The following MYO1D variants were observed in gnomAD, a reference collection of about 807,000 sequenced individuals.
MYO1D encodes myosin ID.
MYO1D carries 83 observed loss-of-function variants against 122.0 expected under a neutral mutation model. That is an observed-to-expected ratio of 0.68 (90% CI 0.57 to 0.82). The LOEUF (loss-of-function observed/expected upper bound fraction) is 0.82. MYO1D is among the 40% of genes least tolerant of loss of function. The pLI, the probability that MYO1D is intolerant of heterozygous loss-of-function variation, is 0.00. For missense variants in MYO1D, 1,157 were observed against 1,269.5 expected (o/e 0.91, Z 1.35); for synonymous variants, 464 against 446.9 (o/e 1.04, Z -0.48).
rs142026197 is a variant in MYO1D, at chr17:32,626,061, C to T, written c.2709+12661G>A. Among the ~76,000 whole-genome samples the T allele has an allele frequency of 5.7e-3, 875 of 152,304 alleles. 8 individuals carry two copies. The highest frequency in any genetic ancestry group is 0.02 in the African/African-American group (812 of 41,562). On this transcript the variant is annotated intron_variant, in intron 20 of 21. Coordinates refer to ENST00000318217, the MANE Select transcript of MYO1D (RefSeq NM_015194.3). ...AAGGTATTACTGTGCTGTGCACCTA[C>T]GGGGCTGCCACAGTGAGCAACCTAG...
intron 20 of MYO1D, among the ~76,000 whole-genome samples, chr17:32,629,730 C>CAAG (rs1555633219): frequency 1.4e-5 from 1 of 73,580 alleles, no homozygotes; most frequent in Admixed American, 1.5e-4. Context: ...GATTTCATCT[C>CAAG]AAGAAAAAAA....
chr17:32,770,311 TC>T (rs1598084154), intron 6 of MYO1D, among the ~76,000 whole-genome samples: 1 of 152,126 alleles, frequency 6.6e-6, no homozygotes, highest in African/African-American at 2.4e-5. Flanking sequence ...CTTTTATTTC[TC>T]CCCCAAATAT....
chr17:32,764,781 C>A, intron 8 of MYO1D, 97 bp downstream of exon 8: 2 of 1,305,544 alleles, frequency 1.5e-6, no homozygotes, highest in Admixed American at 3.5e-5. Flanking sequence ...AAAGCCTTAA[C>A]CCTCTTTCAA....
intron 21 of MYO1D, among the ~76,000 whole-genome samples, chr17:32,550,983 A>C (rs2087010263): frequency 6.6e-6 from 1 of 152,118 alleles, no homozygotes; most frequent in Non-Finnish European, 1.5e-5. Context: ...AGAGAAAGAA[A>C]TGATAATAGT....
intron 21 of MYO1D, among the ~76,000 whole-genome samples, chr17:32,503,796 G>A (rs1460818928): frequency 6.6e-6 from 1 of 152,214 alleles, no homozygotes; most frequent in Non-Finnish European, 1.5e-5. Flanking sequence ...TGGAGCATCA[G>A]GAGCTCATGA....
At chr17:32,594,448 C>T in intron 21 of MYO1D, 1 of 464,728 alleles carries the variant, frequency 2.2e-6, no homozygotes, top group South Asian at 4.4e-5. Context: ...AATAATTGAA[C>T]ACTTTTGTTT....
At chr17:32,496,332 C>T (rs576159770) in intron 21 of MYO1D, 2 of 152,136 alleles carry the variant, frequency 1.3e-5, no homozygotes, top group Non-Finnish European at 2.9e-5. Context: ...ATGGCTGTCT[C>T]CCCCCTGCTT....
intron 1 of MYO1D, among the ~76,000 whole-genome samples, chr17:32,854,500 G>A (rs192185929): frequency 1.8e-4 from 28 of 152,360 alleles, no homozygotes; most frequent in Admixed American, 8.5e-4. Flanking sequence ...AATCATTGGC[G>A]AAGCCAATGG....
At position 32,767,696 on chromosome 17, in the gene MYO1D, A is replaced by G. The variant is rs149762537; in HGVS notation, c.771T>C (p.Ile257=). The change falls in exon 7 of 22, where the codon ATT becomes ATC. Residue 257 remains isoleucine (I), a synonymous_variant. Coordinates refer to ENST00000318217, the MANE Select transcript of MYO1D (RefSeq NM_015194.3). ...TTTGGATCTCCTCAGGTTTGAAGCC[A>G]ATGACTTTCATGGCATCAGCAACAA... ...FRVVADAMKV[I]GFKPEEIQTV... 9.9e-6 allele frequency: 16 copies of G among 1,613,920 alleles called. No homozygotes were observed. The African/African-American group carries it at 1.2e-4, about 12-fold the overall frequency.
At chr17:32,867,172 A>G (rs527683683) in intron 1 of MYO1D, among the ~76,000 whole-genome samples, 16 of 152,006 alleles carry the variant, frequency 1.1e-4, no homozygotes, top group African/African-American at 3.1e-4. Context: ...CTAAAAATAC[A>G]AAAATGAGCT....
At chr17:32,662,922 T>C (rs1244732141) in intron 16 of MYO1D, among the ~76,000 whole-genome samples, 1 of 148,668 alleles carries the variant, frequency 6.7e-6, no homozygotes. Flanking sequence ...TCTTTTCTTT[T>C]TTTTTTTTTT....
intron 19 of MYO1D, among the ~76,000 whole-genome samples, chr17:32,641,557 A>T (rs1174131900): frequency 6.6e-6 from 1 of 152,202 alleles, no homozygotes; most frequent in African/African-American, 2.4e-5. Context: ...CCAACAGTGT[A>T]AAAGTGTTCC....
chr17:32,594,226 T>C (rs181026422), intron 21 of MYO1D: 366 of 225,884 alleles, frequency 1.6e-3, no homozygotes, highest in Middle Eastern at 0.01. Flanking sequence ...CCATATTTTA[T>C]TGAATATAAG....
intron 21 of MYO1D, among the ~76,000 whole-genome samples, chr17:32,565,554 TGGCCG>T (rs1488536322): frequency 6.6e-6 from 1 of 152,214 alleles, no homozygotes; most frequent in Non-Finnish European, 1.5e-5. Flanking sequence ...AGTCTTCATA[TGGCCG>T]GTGACATAAT....
At chr17:32,741,622 G>A (rs1275434968) in intron 13 of MYO1D, among the ~76,000 whole-genome samples, 1 of 152,120 alleles carries the variant, frequency 6.6e-6, no homozygotes, top group Non-Finnish European at 1.5e-5. Flanking sequence ...GGGTAATAAT[G>A]AATCAGAGTT....
At chr17:32,850,068 G>GT (rs781535074) in intron 1 of MYO1D, among the ~76,000 whole-genome samples, 1 of 152,146 alleles carries the variant, frequency 6.6e-6, no homozygotes, top group Non-Finnish European at 1.5e-5. Context: ...AATTTTTGTG[G>GT]TAAAAACTGG....
chr17:32,615,827 T>C (rs935717014), intron 20 of MYO1D, among the ~76,000 whole-genome samples: 2 of 152,212 alleles, frequency 1.3e-5, no homozygotes, highest in African/African-American at 4.8e-5. Context: ...TGTCCCACAA[T>C]AGCTCACGAG....
chr17:32,756,928 C>T (rs1284518457), intron 10 of MYO1D, among the ~76,000 whole-genome samples: 1 of 152,172 alleles, frequency 6.6e-6, no homozygotes, highest in Non-Finnish European at 1.5e-5. Context: ...TCACTACACA[C>T]AGAAGGCACA....
chr17:32,533,551 A>C (rs186919289), intron 21 of MYO1D, among the ~76,000 whole-genome samples: 2 of 152,296 alleles, frequency 1.3e-5, no homozygotes, highest in South Asian at 2.1e-4. Context: ...TCTCTAAGCC[A>C]TAAATCTGAT....
Sources: gnomAD v4.1 joint callset for allele counts (sites outside exome capture counted in the v4.1 genomes callset) on GRCh38, gnomAD v4.1.1 for gene constraint, MANE v1.5 for transcripts, NCBI Gene and HGNC (gene_info 2026-07-23, HGNC 2026-07-21) for gene names.